Variants in C12orf42 observed in about 807,000 individuals in gnomAD.
C12orf42 encodes the protein chromosome 12 open reading frame 42.
Under a neutral mutation model 21.6 loss-of-function variants are expected in C12orf42, and 25 were observed. The ratio of observed to expected loss-of-function variants is 1.16; its 90% CI spans 0.84 to 1.62. The LOEUF is 1.62. Ranked by LOEUF, C12orf42 falls within the 40% of genes most tolerant of loss-of-function variation. C12orf42 has a pLI of 0.00. For missense variants in C12orf42, 483 were observed against 459.3 expected (o/e 1.05, Z -0.47); for synonymous variants, 174 against 175.0 (o/e 0.99, Z 0.05).
the C12orf42 span, among the ~76,000 whole-genome samples, chr12:103,118,466 G>C: frequency 6.6e-6 from 1 of 152,112 alleles, no homozygotes; most frequent in Non-Finnish European, 1.5e-5. Flanking sequence ...TTTCACATAT[G>C]GAAGTATTAT....
the C12orf42 span, among the ~76,000 whole-genome samples, chr12:103,188,804 G>A: frequency 2.6e-5 from 4 of 152,204 alleles, no homozygotes; most frequent in Non-Finnish European, 5.9e-5. Flanking sequence ...TCAGCACCAC[G>A]ATTCCTGAAA....
the C12orf42 span, among the ~76,000 whole-genome samples, chr12:103,228,095 G>C: frequency 2.0e-5 from 3 of 152,110 alleles, no homozygotes; most frequent in African/African-American, 7.2e-5. Context: ...TCAGAGTCAC[G>C]GCACCAAATT....
intron 2 of C12orf42, among the ~76,000 whole-genome samples, chr12:103,420,285 A>T (rs2049767069): frequency 6.6e-6 from 1 of 152,192 alleles, no homozygotes; most frequent in Non-Finnish European, 1.5e-5. Flanking sequence ...CTTTGTGCTT[A>T]CAAAAACAAC....
At chr12:103,417,720 T>G (rs1362987272) in intron 2 of C12orf42, among the ~76,000 whole-genome samples, 1 of 152,204 alleles carries the variant, frequency 6.6e-6, no homozygotes, top group Non-Finnish European at 1.5e-5. Context: ...TTATACTGGG[T>G]AGACGTTTGC....
chr12:103,373,945 T>G (rs940196859), intron 3 of C12orf42, among the ~76,000 whole-genome samples: 1 of 152,224 alleles, frequency 6.6e-6, no homozygotes, highest in African/African-American at 2.4e-5. Flanking sequence ...TGATATGGTA[T>G]CATCATGCCC....
At chr12:103,286,670 C>T (rs1415268000) in intron 4 of C12orf42, among the ~76,000 whole-genome samples, 1 of 151,868 alleles carries the variant, frequency 6.6e-6, no homozygotes, top group Non-Finnish European at 1.5e-5. Context: ...ATCAAAATAT[C>T]TCTCAACTTC....
downstream of C12orf42, among the ~76,000 whole-genome samples, chr12:103,300,765 G>A (rs373808771): frequency 6.6e-6 from 1 of 152,078 alleles, no homozygotes; most frequent in Non-Finnish European, 1.5e-5. Flanking sequence ...CAACCAAATG[G>A]CATGAAGTTG....
downstream of C12orf42, among the ~76,000 whole-genome samples, chr12:103,298,210 T>C (rs954317950): frequency 1.3e-5 from 2 of 151,966 alleles, no homozygotes; most frequent in African/African-American, 4.8e-5. Context: ...AAAACCTCAT[T>C]GTCTCAGCCC....
chr12:103,261,600 A>G, intron 10 of C12orf42, among the ~76,000 whole-genome samples: 1 of 151,940 alleles, frequency 6.6e-6, no homozygotes, highest in East Asian at 1.9e-4. Flanking sequence ...CAGAGAAGAC[A>G]CTCTGTAAAT....
At chr12:103,052,368 ATTTT>A in the C12orf42 span, among the ~76,000 whole-genome samples, 1 of 152,126 alleles carries the variant, frequency 6.6e-6, no homozygotes, top group Non-Finnish European at 1.5e-5. Flanking sequence ...TTAATGTTTT[ATTTT>A]AAACATTCTA....
the C12orf42 span, among the ~76,000 whole-genome samples, chr12:103,136,727 T>C: frequency 6.6e-6 from 1 of 152,164 alleles, no homozygotes; most frequent in Non-Finnish European, 1.5e-5. Flanking sequence ...AACAAATCCA[T>C]ATGTTTACAG....
chr12:103,229,644 T>C, the C12orf42 span, among the ~76,000 whole-genome samples: 2 of 152,346 alleles, frequency 1.3e-5, no homozygotes, highest in Middle Eastern at 6.8e-3. Context: ...TTGTGTTTCC[T>C]TCCACATTTT....
the C12orf42 span, among the ~76,000 whole-genome samples, chr12:103,210,635 A>ATTTCTTTTTTTTTTTTTTTTTTTTTTT: frequency 7.2e-5 from 3 of 41,614 alleles, no homozygotes; most frequent in Admixed American, 2.3e-4. Flanking sequence ...AACACCCTCT[A>ATTTCTTTTTTTTTTTTTTTTTTTTTTT]TTTCTTTTTT....
intron 4 of C12orf42, among the ~76,000 whole-genome samples, chr12:103,318,282 TCAAAAA>T (rs1593408370): frequency 6.6e-6 from 1 of 151,752 alleles, no homozygotes. Context: ...AGACTCCATC[TCAAAAA>T]AAAACAAAAA....
the C12orf42 span, among the ~76,000 whole-genome samples, chr12:103,174,458 G>C: frequency 6.6e-6 from 1 of 152,270 alleles, no homozygotes; most frequent in Non-Finnish European, 1.5e-5. Flanking sequence ...CCATGATGTA[G>C]ATACTAGCAT....
intron 4 of C12orf42, among the ~76,000 whole-genome samples, chr12:103,306,933 A>C (rs946686981): frequency 2.6e-5 from 4 of 152,284 alleles, no homozygotes; most frequent in African/African-American, 9.6e-5. Context: ...GGGAAGACCC[A>C]GGTGAAGACA....
the C12orf42 span, among the ~76,000 whole-genome samples, chr12:103,180,870 C>T: frequency 4.6e-5 from 7 of 151,640 alleles, no homozygotes; most frequent in East Asian, 2.0e-4. Context: ...TCAGGTGATC[C>T]GCCTACCTCA....
chr12:103,096,516 C>T, the C12orf42 span, among the ~76,000 whole-genome samples: 1 of 152,172 alleles, frequency 6.6e-6, no homozygotes, highest in Admixed American at 6.5e-5. Context: ...CTGGCCTTGA[C>T]TTACTAACGT....
At chr12:103,158,618 T>C in the C12orf42 span, among the ~76,000 whole-genome samples, 2 of 152,188 alleles carry the variant, frequency 1.3e-5, no homozygotes, top group Non-Finnish European at 2.9e-5. Context: ...TGGTGGCTCA[T>C]GCCCAAAATC....
Sources: gnomAD v4.1 joint callset for allele counts (sites outside exome capture counted in the v4.1 genomes callset) on GRCh38, gnomAD v4.1.1 for gene constraint, MANE v1.5 for transcripts, NCBI Gene and HGNC (gene_info 2026-07-23, HGNC 2026-07-21) for gene names.